CNTNAP5: variants seen among roughly 807,000 people sequenced by gnomAD.
CNTNAP5 encodes the protein contactin-associated protein-like 5.
In CNTNAP5, 72 loss-of-function variants were observed where a neutral mutation model predicts 150.2. The observed-to-expected ratio is 0.48, with a 90% CI of 0.40 to 0.58. CNTNAP5 has a LOEUF of 0.58. Ranked by LOEUF, CNTNAP5 falls within the 20% of genes least tolerant of loss-of-function variation. The pLI is 0.00. For missense variants in CNTNAP5, 1,636 were observed against 1,626.2 expected, an observed-to-expected ratio of 1.01 and a Z score of -0.10; for synonymous variants, 672 against 619.8, an observed-to-expected ratio of 1.08 and a Z score of -1.25.
At chr2:124,112,345 G>T (rs1281555352) in intron 1 of CNTNAP5, among the ~76,000 whole-genome samples, 1 of 152,128 alleles carries the variant, frequency 6.6e-6, no homozygotes, top group Non-Finnish European at 1.5e-5. Flanking sequence ...CTCTAGCTCT[G>T]ATTGGAAGCA....
intron 19 of CNTNAP5, among the ~76,000 whole-genome samples, chr2:124,852,824 T>C (rs1683184727): frequency 6.6e-6 from 1 of 152,186 alleles, no homozygotes; most frequent in Admixed American, 6.5e-5. Context: ...GGGCTGTCGA[T>C]GACTTGGTGT....
At chr2:124,560,053 T>A (rs1695852916) in intron 10 of CNTNAP5, among the ~76,000 whole-genome samples, 1 of 152,200 alleles carries the variant, frequency 6.6e-6, no homozygotes, top group South Asian at 2.1e-4. Flanking sequence ...AAGATGTAGT[T>A]TCTACATTTT....
chr2:124,781,165 T>C (rs1007758056), intron 17 of CNTNAP5, among the ~76,000 whole-genome samples: 2 of 152,196 alleles, frequency 1.3e-5, no homozygotes, highest in Non-Finnish European at 2.9e-5. Context: ...ATTTTCCAAG[T>C]GCATGCTCAG....
At chr2:124,543,925 G>T (rs11890408) in intron 10 of CNTNAP5, among the ~76,000 whole-genome samples, 63,963 of 151,758 alleles carry the variant, frequency 0.42, 14,042 homozygotes, top group East Asian at 0.64. Flanking sequence ...TTACTAAAAT[G>T]CAACAATTGG....
chr2:124,150,587 A>G (rs1179208297), intron 1 of CNTNAP5, among the ~76,000 whole-genome samples: 1 of 152,196 alleles, frequency 6.6e-6, no homozygotes, highest in East Asian at 1.9e-4. Flanking sequence ...ATGTCTAGTG[A>G]GGACCCATTT....
chr2:124,510,489 A>ATG (rs1694556506), intron 8 of CNTNAP5, among the ~76,000 whole-genome samples: 2 of 31,398 alleles, frequency 6.4e-5, no homozygotes, highest in Admixed American at 7.8e-4. Context: ...ATATATATAT[A>ATG]TATATATATA....
At chr2:124,408,354 G>C (rs56376945) in intron 3 of CNTNAP5, among the ~76,000 whole-genome samples, 6,432 of 152,276 alleles carry the variant, frequency 0.042, 167 homozygotes, top group Non-Finnish European at 0.053. Flanking sequence ...CAAAGCAGCC[G>C]GGAAGCTCGG....
At chr2:124,739,218 T>C (rs761017474) in intron 13 of CNTNAP5, among the ~76,000 whole-genome samples, 30 of 152,180 alleles carry the variant, frequency 2.0e-4, no homozygotes, top group Non-Finnish European at 4.0e-4. Flanking sequence ...ATAAAAATGT[T>C]AATTCCTAAT....
At chr2:124,640,111 T>A (rs1285044722) in intron 12 of CNTNAP5, among the ~76,000 whole-genome samples, 1 of 152,096 alleles carries the variant, frequency 6.6e-6, no homozygotes, top group African/African-American at 2.4e-5. Flanking sequence ...ACTAGGTGTC[T>A]AAATTAAATA....
chr2:124,429,088 T>C (rs901560280), intron 4 of CNTNAP5, among the ~76,000 whole-genome samples: 9 of 152,144 alleles, frequency 5.9e-5, no homozygotes, highest in African/African-American at 1.4e-4. Context: ...CCAGAAAAAG[T>C]CGTTATGATA....
intron 14 of CNTNAP5, among the ~76,000 whole-genome samples, chr2:124,757,881 T>C (rs1021719696): frequency 6.6e-6 from 1 of 152,240 alleles, no homozygotes; most frequent in African/African-American, 2.4e-5. Flanking sequence ...GCAACAGTGA[T>C]TTAAAATAGA....
chr2:124,828,735 C>CAAAAAAAAAAAAAAAAAA lies in CNTNAP5; in HGVS notation c.3217+30435_3217+30452dup, dbSNP rs60339676. On this transcript the variant is annotated intron_variant, in intron 19 of 23. Coordinates refer to ENST00000682447, the MANE Select transcript of CNTNAP5 (RefSeq NM_001367498.1). The stretch of plus-strand genomic sequence containing the variant: ...CCTTGCAGACCAATGCAAGTGTTGG[C>CAAAAAAAAAAAAAAAAAA]AAAAAAAAAAAAAAAAAAAAAAAAA... 1.3e-4 allele frequency among the ~76,000 whole-genome samples: 3 copies of CAAAAAAAAAAAAAAAAAA among 23,110 alleles called. 1 individual carries two copies. Among genetic ancestry groups the CAAAAAAAAAAAAAAAAAA allele is most frequent in the East Asian group, 2.9e-3 (2 of 686 alleles). The allele number at this position is 23,110 out of a possible 152,430, so 15.2% of individuals were successfully genotyped here. A position where few individuals can be genotyped will look rare whatever the true frequency, so the allele number is the denominator to read the frequency against.
chr2:124,483,070 G>C (rs1378286880), intron 7 of CNTNAP5, among the ~76,000 whole-genome samples: 1 of 152,102 alleles, frequency 6.6e-6, no homozygotes, highest in East Asian at 1.9e-4. Context: ...TTTCTCCCAT[G>C]CCAGCTGAGC....
intron 1 of CNTNAP5, among the ~76,000 whole-genome samples, chr2:124,055,375 G>A (rs1033756204): frequency 3.3e-5 from 5 of 152,032 alleles, no homozygotes; most frequent in African/African-American, 1.2e-4. Flanking sequence ...AACCCCTTCC[G>A]CTGCTAAGTT....
intron 6 of CNTNAP5, among the ~76,000 whole-genome samples, chr2:124,473,404 T>C (rs992640784): frequency 1.3e-5 from 2 of 151,900 alleles, no homozygotes; most frequent in Admixed American, 1.3e-4. Context: ...ATAGATAAAA[T>C]ATCAAAAAAT....
At chr2:124,396,832 A>G (rs1349815266) in intron 3 of CNTNAP5, among the ~76,000 whole-genome samples, 1 of 152,190 alleles carries the variant, frequency 6.6e-6, no homozygotes, top group Non-Finnish European at 1.5e-5. Flanking sequence ...CAATAACGAT[A>G]ACGATAACAA....
At chr2:124,188,667 C>T (rs1457504775) in intron 1 of CNTNAP5, among the ~76,000 whole-genome samples, 2 of 137,612 alleles carry the variant, frequency 1.5e-5, no homozygotes, top group Admixed American at 1.6e-4. Flanking sequence ...TGCAGTGAGC[C>T]GAGATCACGC....
chr2:124,585,322 T>C (rs988176957), intron 11 of CNTNAP5, among the ~76,000 whole-genome samples: 1 of 152,064 alleles, frequency 6.6e-6, no homozygotes, highest in Non-Finnish European at 1.5e-5. Context: ...TCTCACTCAG[T>C]TTTTACTTGA....
intron 11 of CNTNAP5, among the ~76,000 whole-genome samples, chr2:124,585,238 CA>C (rs1311508025): frequency 3.3e-5 from 5 of 152,116 alleles, no homozygotes; most frequent in Non-Finnish European, 7.3e-5. Flanking sequence ...AGGCTCTTTT[CA>C]GCTGATAGAG....
Sources: gnomAD v4.1 joint callset for allele counts (sites outside exome capture counted in the v4.1 genomes callset) on GRCh38, gnomAD v4.1.1 for gene constraint, MANE v1.5 for transcripts, NCBI Gene and HGNC (gene_info 2026-07-23, HGNC 2026-07-21) for gene names.